The following COQ10B variants were observed in gnomAD, a reference collection of about 807,000 sequenced individuals.
COQ10B encodes the protein coenzyme Q-binding protein COQ10 homolog B, mitochondrial.
Under a neutral mutation model 27.6 loss-of-function variants are expected in COQ10B, and 12 were observed. That is an observed-to-expected ratio of 0.43 (90% confidence interval 0.28 to 0.70). The LOEUF (loss-of-function observed/expected upper bound fraction) is 0.70. Among genes scored for constraint, COQ10B ranks in the 30% least tolerant of loss-of-function variants. The pLI, the probability that COQ10B is intolerant of heterozygous loss-of-function variation, is 0.17. For missense variants in COQ10B, 278 were observed against 288.7 expected (o/e 0.96, Z 0.27); for synonymous variants, 115 against 103.0 (o/e 1.12, Z -0.71).
chr2:197,466,365 T>C (rs2085824904), intron 3 of COQ10B, among the ~76,000 whole-genome samples: 1 of 152,248 alleles, frequency 6.6e-6, no homozygotes. Flanking sequence ...TCATTTTCTC[T>C]CTTTCCTTTC....
chr2:197,463,396 C>T (rs902408289), intron 3 of COQ10B, among the ~76,000 whole-genome samples: 7 of 151,396 alleles, frequency 4.6e-5, no homozygotes, highest in Non-Finnish European at 1.0e-4. Flanking sequence ...CACGTGAACC[C>T]GGAGGCAGAG....
intron 3 of COQ10B, among the ~76,000 whole-genome samples, chr2:197,466,125 A>G (rs2085822814): frequency 6.6e-6 from 1 of 152,100 alleles, no homozygotes; most frequent in South Asian, 2.1e-4. Context: ...ACAAAACCAC[A>G]CAGGATAAAG....
At chr2:197,467,481 G>A (rs928501909) in intron 3 of COQ10B, among the ~76,000 whole-genome samples, 1 of 152,032 alleles carries the variant, frequency 6.6e-6, no homozygotes, top group African/African-American at 2.4e-5. Flanking sequence ...AGGTTCAAGC[G>A]ATTCTCCTGC....
intron 3 of COQ10B, among the ~76,000 whole-genome samples, chr2:197,464,045 A>G (rs1347319992): frequency 9.3e-6 from 1 of 107,564 alleles, no homozygotes; most frequent in East Asian, 2.4e-4. Flanking sequence ...ACACACATAT[A>G]TATATACGTA....
At chr2:197,459,826 A>G in intron 1 of COQ10B, 106 bp from the exon 2 acceptor site, 1 of 688,548 alleles carries the variant, frequency 1.5e-6, no homozygotes, top group Non-Finnish European at 2.2e-6. Flanking sequence ...AACATTCTGA[A>G]GTTGCAAAGC....
chr2:197,471,485 A>G (rs1319457444), intron 4 of COQ10B, among the ~76,000 whole-genome samples: 1 of 152,108 alleles, frequency 6.6e-6, no homozygotes, highest in African/African-American at 2.4e-5. Flanking sequence ...AGAAAACTTA[A>G]AGCAATTTGT....
chr2:197,453,668 A>G lies in COQ10B; in HGVS notation c.104+4A>G, dbSNP rs769416234. The G allele has an allele frequency of 1.9e-6, 3 of 1,611,320 alleles. No homozygotes were observed. The East Asian group carries it at 6.7e-5, about 36-fold the overall frequency. On this transcript the variant is annotated splice_donor_region_variant and intron_variant, in intron 1 of 4. Transcript: ENST00000263960. ...AGGCGCCCGTGCGGAATGGCAGGTA[A>G]TCAACAGCGGGGGCGCTGAGACGAG...
At chr2:197,458,300 G>A (rs573917743) in intron 1 of COQ10B, among the ~76,000 whole-genome samples, 2 of 151,796 alleles carry the variant, frequency 1.3e-5, no homozygotes, top group Admixed American at 6.6e-5. Context: ...ACATACACAC[G>A]CACACACACA....
At chr2:197,456,498 C>T (rs925012398) in intron 1 of COQ10B, among the ~76,000 whole-genome samples, 7 of 149,640 alleles carry the variant, frequency 4.7e-5, no homozygotes, top group Non-Finnish European at 8.9e-5. Flanking sequence ...GGCGCAGTGG[C>T]TCACGCTTGT....
At chr2:197,464,930 G>T (rs1029349297) in intron 3 of COQ10B, among the ~76,000 whole-genome samples, 1 of 148,136 alleles carries the variant, frequency 6.8e-6, no homozygotes, top group Non-Finnish European at 1.5e-5. Flanking sequence ...CTGGAGTGCA[G>T]TGGCGCTTCC....
Position 197,456,796 on chromosome 2 carries a change from A to G in COQ10B, c.104+3132A>G, listed in dbSNP as rs557523820. Among the ~76,000 whole-genome samples the G allele has an allele frequency of 5.1e-4, 77 of 152,062 alleles. 2 individuals carry two copies. The South Asian group carries it at 8.3e-3, about 16-fold the overall frequency. On this transcript the variant is annotated intron_variant, in intron 1 of 4. Transcript: ENST00000263960. ...ATAAATAAGTAAAAAATAAATTAAA[A>G]AAAAATTGATCTTAGAACAGAGGAT...
intron 4 of COQ10B, 45 bp from the exon 5 acceptor site, chr2:197,473,699 AAAAAAAAAAAAGC>A (rs2085917532): frequency 1.6e-6 from 2 of 1,235,452 alleles, no homozygotes; most frequent in African/African-American, 3.1e-5. Context: ...GAAAACCAAA[AAAAAAAAAAAAGC>A]AAAAAATAAT....
At position 197,470,617 on chromosome 2, in the gene COQ10B, G is replaced by A. The variant is rs541458322; in HGVS notation, c.549+446G>A. Among the ~76,000 whole-genome samples the A allele has an allele frequency of 7.2e-5, 11 of 152,208 alleles. No individual in the cohort carries two copies. The East Asian group carries it at 1.7e-3, about 24-fold the overall frequency. On this transcript the variant is annotated intron_variant, in intron 4 of 4. Coordinates refer to ENST00000263960, the MANE Select transcript of COQ10B (RefSeq NM_025147.5). ...TCTAGTGAAAATAAAATTATCGGCT[G>A]GATGGGGTGGCTCACACCTATAACC... is the stretch of plus-strand genomic sequence containing the variant.
intron 3 of COQ10B, among the ~76,000 whole-genome samples, chr2:197,465,335 G>A (rs1248064707): frequency 2.0e-5 from 3 of 149,042 alleles, no homozygotes; most frequent in Non-Finnish European, 4.4e-5. Context: ...TGTTGCCCAG[G>A]CTGCAGTACA....
At chr2:197,456,024 G>A (rs987953549) in intron 1 of COQ10B, among the ~76,000 whole-genome samples, 2 of 152,088 alleles carry the variant, frequency 1.3e-5, no homozygotes, top group Non-Finnish European at 2.9e-5. Context: ...ATTAATACAC[G>A]ATGGGAATAC....
intron 3 of COQ10B, among the ~76,000 whole-genome samples, chr2:197,463,584 G>C (rs963586048): frequency 2.6e-5 from 4 of 151,362 alleles, no homozygotes; most frequent in African/African-American, 7.3e-5. Context: ...CTTCAGCCTG[G>C]GCAACAGAGT....
chr2:197,472,526 G>A (rs566531035), intron 4 of COQ10B, among the ~76,000 whole-genome samples: 3 of 152,256 alleles, frequency 2.0e-5, no homozygotes, highest in East Asian at 3.9e-4. Context: ...CCACGTGGCC[G>A]GGCGCAGTGG....
At chr2:197,471,978 T>A (rs2085882229) in intron 4 of COQ10B, among the ~76,000 whole-genome samples, 1 of 150,662 alleles carries the variant, frequency 6.6e-6, no homozygotes. Flanking sequence ...AAAATTTGAA[T>A]AAGGTCTATA....
intron 3 of COQ10B, among the ~76,000 whole-genome samples, chr2:197,464,053 GTATA>G (rs530445633): frequency 1.3e-5 from 1 of 79,012 alleles, no homozygotes; most frequent in Non-Finnish European, 2.4e-5. Context: ...ATATATATAC[GTATA>G]TATATATATA....
Sources: allele counts gnomAD v4.1 joint callset (sites outside exome capture counted in the v4.1 genomes callset), GRCh38; gene constraint gnomAD v4.1.1; transcripts MANE v1.5; gene names NCBI Gene and HGNC (gene_info 2026-07-23, HGNC 2026-07-21).